Variants in RAPGEF3 observed in about 807,000 individuals in gnomAD.
RAPGEF3 encodes 9330170P05Rik.
In RAPGEF3, 103 loss-of-function variants were observed where a neutral mutation model predicts 129.8. That is an observed-to-expected ratio of 0.79 (90% CI 0.68 to 0.93). The LOEUF (loss-of-function observed/expected upper bound fraction) is 0.93, where lower values mean the gene tolerates loss of function less well. Among genes scored for constraint, RAPGEF3 ranks in the 40% least tolerant of loss-of-function variants. The pLI is 0.00. For synonymous variants in RAPGEF3, 436 were observed against 482.6 expected, an observed-to-expected ratio of 0.90 and a Z score of 1.26; for missense variants, 1,117 against 1,207.4, an observed-to-expected ratio of 0.93 and a Z score of 1.11.
chr12:47,751,770 G>A lies in RAPGEF3; in HGVS notation c.333C>T (p.Thr111=). 1 of 1,613,942 alleles carries A rather than the reference G, an allele frequency of 6.2e-7. No homozygotes were observed. Among genetic ancestry groups the A allele is most frequent in the Non-Finnish European group, 8.5e-7 (1 of 1,180,028 alleles). Residue 111 remains threonine, a synonymous_variant, in exon 4 of 28, where the codon ACC becomes ACT. Transcript: ENST00000449771. ...GRQLHRHLLA[T]CPNLIRDRKY... is the part of the protein sequence containing the mutation. ...TCCGGTCTCGGATGAGGTTTGGGCA[G>A]GTGGCCAGCAGATGCCGATGCAGCT...
In RAPGEF3 at chr12:47,748,060, A is replaced by C; in HGVS notation, c.1322+14T>G. On this transcript the variant is annotated intron_variant, in intron 13 of 27. Coordinates refer to ENST00000449771, the MANE Select transcript of RAPGEF3 (RefSeq NM_001098531.4). ...ATCCCCATGCACACCATCCCCCTGG[A>C]GCTGGAAGGATATTGGTGCAGAAGG... is the stretch of plus-strand genomic sequence containing the variant. 1 of 1,571,148 alleles carries C rather than the reference A, an allele frequency of 6.4e-7. No homozygotes were observed. Among genetic ancestry groups the C allele is most frequent in the South Asian group, 1.2e-5 (1 of 86,614 alleles).
At position 47,738,757 on chromosome 12, in the gene RAPGEF3, G is replaced by A. The variant is rs1343402058; in HGVS notation, c.2462-3C>T. 1 of 1,606,706 alleles carries A rather than the reference G, an allele frequency of 6.2e-7. No homozygotes were observed. The highest frequency in any genetic ancestry group is 2.2e-5 in the East Asian group (1 of 44,846). On this transcript the variant is annotated splice_polypyrimidine_tract_variant and splice_region_variant and intron_variant, in intron 24 of 27. Transcript: ENST00000449771. ...TCCCTCATGAATGAAGGTCATGTCT[G>A]CAAAGAGATGGGTTTTGTTCATAGG... is the stretch of plus-strand genomic sequence containing the variant.
intron 18 of RAPGEF3, among the ~76,000 whole-genome samples, chr12:47,743,312 G>A (rs1941260007): frequency 1.3e-5 from 2 of 152,236 alleles, no homozygotes; most frequent in Non-Finnish European, 2.9e-5. Context: ...TAAAGGGCTG[G>A]TGCCGAATGC....
intron 15 of RAPGEF3, 98 bp from the exon 16 acceptor site, chr12:47,746,997 G>T: frequency 8.3e-7 from 1 of 1,210,650 alleles, no homozygotes; most frequent in Non-Finnish European, 1.2e-6. Flanking sequence ...GCCCTCACCA[G>T]TGGTTCAGAG....
intron 13 of RAPGEF3, 92 bp downstream of exon 13, chr12:47,747,982 G>A (rs1199295793): frequency 1.3e-6 from 2 of 1,566,822 alleles, no homozygotes; most frequent in African/African-American, 2.7e-5. Context: ...GCATTTAAAG[G>A]GCTCAGCACA....
chr12:47,738,664 T>A, intron 25 of RAPGEF3, 26 bp downstream of exon 25: 1 of 1,564,610 alleles, frequency 6.4e-7, no homozygotes, highest in Non-Finnish European at 8.8e-7. Flanking sequence ...ATGTTAGTAG[T>A]GAATGCCTGC....
intron 2 of RAPGEF3, among the ~76,000 whole-genome samples, chr12:47,753,514 G>T (rs373887509): frequency 6.6e-6 from 1 of 152,370 alleles, no homozygotes; most frequent in Non-Finnish European, 1.5e-5. Flanking sequence ...ATGTGCAGGC[G>T]CCTGGCCCAG....
rs1484403133 is a variant in RAPGEF3, at chr12:47,758,813, C to T, written c.-257G>A. On this transcript the variant is annotated 5_prime_UTR_variant, in exon 1 of 28. Transcript: ENST00000449771. ...CACCCAGCCACCGGCGACAGGGAGCCCCGAGCCTGCGCCTTCGTCTCAGAC... is the reference window on the plus strand; with the variant it reads ...CACCCAGCCACCGGCGACAGGGAGCTCCGAGCCTGCGCCTTCGTCTCAGAC... 12 of 1,233,350 alleles carry T rather than the reference C, an allele frequency of 9.7e-6. No homozygotes were observed. In the South Asian group the frequency reaches 3.9e-4, roughly 40 times the overall value. The allele number at this position is 1,233,350 out of a possible 1,614,324, so 76.4% of individuals were successfully genotyped here.
In RAPGEF3 at chr12:47,754,890, C is replaced by T. The variant is rs532774053; in HGVS notation, c.220-2921G>A. Among the ~76,000 whole-genome samples, 8 of 152,334 alleles carry T rather than the reference C, an allele frequency of 5.3e-5. No homozygotes were observed. In the South Asian group the frequency reaches 1.7e-3, roughly 32 times the overall value. ...CAGGGCGGAAGAGGAGGCACTAACT[C>T]CCCTGGCACCAGCACTGTGGCCTGC... is the stretch of plus-strand genomic sequence containing the variant. On this transcript the variant is annotated intron_variant, in intron 2 of 27. Transcript: ENST00000449771.
At chr12:47,747,045 G>A (rs1229591279) in intron 15 of RAPGEF3, 146 bp from the exon 16 acceptor site, 2 of 771,298 alleles carry the variant, frequency 2.6e-6, no homozygotes, top group African/African-American at 1.8e-5. Flanking sequence ...AAAGAGGGGA[G>A]AACACGGTCT....
At chr12:47,738,615 C>G in intron 25 of RAPGEF3, 75 bp downstream of exon 25, 1 of 1,310,736 alleles carries the variant, frequency 7.6e-7, no homozygotes, top group Admixed American at 1.7e-5. Flanking sequence ...TGCCTCCAAG[C>G]CCTGCCCCTT....
intron 19 of RAPGEF3, 144 bp downstream of exon 19, chr12:47,741,361 C>T (rs1253361264): frequency 2.5e-6 from 2 of 799,328 alleles, no homozygotes; most frequent in African/African-American, 1.7e-5. Context: ...AGCTGAGGCC[C>T]ACTCCTTTGT....
At position 47,748,670 on chromosome 12, in the gene RAPGEF3, G is replaced by A. The variant is rs1338860313; in HGVS notation, c.1155-128C>T. 3 of 1,043,964 alleles carry A rather than the reference G, an allele frequency of 2.9e-6. No homozygotes were observed. The African/African-American group carries it at 4.7e-5, about 16-fold the overall frequency. The allele number at this position is 1,043,964 out of a possible 1,614,324, so 64.7% of individuals were successfully genotyped here. ...CCCTGTCCCACCTTAGGGCAGGGAG[G>A]AGACTGGCTCAGCAGGCACATCCTG... On this transcript the variant is annotated intron_variant, in intron 11 of 27. Coordinates refer to ENST00000449771, the MANE Select transcript of RAPGEF3 (RefSeq NM_001098531.4).
At chr12:47,755,344 C>T (rs1225095543) in intron 2 of RAPGEF3, among the ~76,000 whole-genome samples, 3 of 152,162 alleles carry the variant, frequency 2.0e-5, no homozygotes, top group African/African-American at 7.2e-5. Flanking sequence ...AAACCTCTTT[C>T]AATAATGTCT....
Position 47,748,476 on chromosome 12 carries a change from A to G in RAPGEF3, c.1221T>C (p.Asp407=), listed in dbSNP as rs1245300645. 6.2e-7 allele frequency: 1 copy of G among 1,613,760 alleles called. No homozygotes were observed. The highest frequency in any genetic ancestry group is 8.5e-7 in the Non-Finnish European group (1 of 1,179,906). ...TACCTGTTGGGTCATGAGCACTGGAATCTGGTCCCATGGCCTCCAACAGAA... is the reference window on the plus strand; with the variant it reads ...TACCTGTTGGGTCATGAGCACTGGAGTCTGGTCCCATGGCCTCCAACAGAA... The part of the protein sequence containing the change: ...LELLLEAMGP[D]SSAHDPTETF... Residue 407 remains aspartate (D), a synonymous_variant, in exon 12 of 28, where the codon GAT becomes GAC. Transcript: ENST00000449771.
In RAPGEF3 at chr12:47,749,312, G is replaced by GCCCTGGT; in HGVS notation, c.1041+77_1041+78insACCAGGG. The GCCCTGGT allele has an allele frequency of 1.3e-6, 2 of 1,546,694 alleles. No homozygotes were observed. The highest frequency in any genetic ancestry group is 1.8e-6 in the Non-Finnish European group (2 of 1,131,372). On this transcript the variant is annotated intron_variant, in intron 10 of 27. Transcript: ENST00000449771. This position sits in a 1 kb window ranked among gnomAD's most constrained non-coding sequence, Gnocchi z 4.5. ...CTGCCCTGCTTCTTACAGGCCCTCT[G>GCCCTGGT]CTCTGGTCCCTACTCCTCTCTCCAC...
At chr12:47,738,421 C>G (rs1277357664) in intron 25 of RAPGEF3, among the ~76,000 whole-genome samples, 174 bp from the exon 26 acceptor site, 1 of 152,072 alleles carries the variant, frequency 6.6e-6, no homozygotes, top group East Asian at 1.9e-4. Context: ...CAGCGGGGAC[C>G]AGGCAGAGGA....
chr12:47,741,175 G>A, intron 19 of RAPGEF3, 135 bp from the exon 20 acceptor site: 1 of 1,114,494 alleles, frequency 9.0e-7, no homozygotes. Context: ...GGGAGTAGAG[G>A]GTCTCTAGGG....
intron 14 of RAPGEF3, 37 bp downstream of exon 14, chr12:47,747,675 G>T (rs756593097): frequency 6.2e-7 from 1 of 1,612,140 alleles, no homozygotes; most frequent in South Asian, 1.1e-5. Context: ...CATCCACCCC[G>T]GGCAGCCCAG....
Sources: allele counts gnomAD v4.1 joint callset (sites outside exome capture counted in the v4.1 genomes callset), GRCh38; gene constraint gnomAD v4.1.1; non-coding constraint Gnocchi (gnomAD v3.1); transcripts MANE v1.5; gene names NCBI Gene and HGNC (gene_info 2026-07-23, HGNC 2026-07-21).